Variants in CACNG6 observed in about 807,000 individuals in gnomAD.
The protein encoded by CACNG6 is calcium voltage-gated channel auxiliary subunit gamma 6, also known as voltage-dependent calcium channel gamma-6 subunit.
Under a neutral mutation model 23.9 loss-of-function variants are expected in CACNG6, and 21 were observed. That is an observed-to-expected ratio of 0.88 (90% CI 0.62 to 1.26). The LOEUF (loss-of-function observed/expected upper bound fraction) is 1.26. Ranked by LOEUF, CACNG6 falls within the 50% of genes most tolerant of loss-of-function variation. The pLI is 0.00. For synonymous variants in CACNG6, 182 were observed against 168.9 expected (o/e 1.08, Z -0.60); for missense variants, 340 against 352.9 (o/e 0.96, Z 0.29).
chr19:53,996,528 G>A (rs1456184904), intron 1 of CACNG6, among the ~76,000 whole-genome samples: 1 of 151,988 alleles, frequency 6.6e-6, no homozygotes, highest in Non-Finnish European at 1.5e-5. Context: ...GAGTAGCTGG[G>A]ATTACAGGCA....
At chr19:53,996,496 G>T (rs1315097485) in intron 1 of CACNG6, among the ~76,000 whole-genome samples, 1 of 151,556 alleles carries the variant, frequency 6.6e-6, no homozygotes, top group Non-Finnish European at 1.5e-5. Flanking sequence ...GGGTTCAAGC[G>T]ACTCTCCTGC....
At chr19:54,009,266 C>A (rs1313075589) in intron 3 of CACNG6, among the ~76,000 whole-genome samples, 1 of 151,970 alleles carries the variant, frequency 6.6e-6, no homozygotes, top group Non-Finnish European at 1.5e-5. Context: ...ACTAAAAACA[C>A]AAAAATTAGC....
Position 53,992,881 on chromosome 19 carries a change from A to T in CACNG6, c.4A>T (p.Met2Leu), listed in dbSNP as rs2069476315. ...TCCCGACCCCACCGGCCATAAGATG[A>T]TGTGGTCCAACTTCTTCCTGCAAGA... MMWSNFFLQEEN... is the reference protein window; with the variant it reads MLWSNFFLQEEN... The change falls in exon 1 of 4, where the codon ATG (methionine) becomes TTG (leucine). Residue 2 changes from methionine to leucine, a missense_variant. Coordinates refer to ENST00000252729, the MANE Select transcript of CACNG6 (RefSeq NM_145814.2). This position sits in a 1 kb window ranked among gnomAD's most constrained non-coding sequence, Gnocchi z 4.1. 2 of 1,396,000 alleles carry T rather than the reference A, an allele frequency of 1.4e-6. No homozygotes were observed. Among genetic ancestry groups the T allele is most frequent in the African/African-American group, 3.0e-5 (2 of 66,614 alleles). 86.5% of individuals were successfully genotyped at this position (1,396,000 alleles called of 1,614,324 possible). A position where few individuals can be genotyped will look rare whatever the true frequency, so the allele number is the denominator to read the frequency against.
chr19:53,997,921 TCAA>T (rs2145955988), intron 1 of CACNG6, among the ~76,000 whole-genome samples: 1 of 152,244 alleles, frequency 6.6e-6, no homozygotes, highest in East Asian at 1.9e-4. Context: ...CACTTGACCC[TCAA>T]CAAACCCATA....
intron 3 of CACNG6, among the ~76,000 whole-genome samples, chr19:54,008,213 C>T (rs958551537): frequency 1.1e-4 from 16 of 151,884 alleles, no homozygotes; most frequent in African/African-American, 2.7e-4. Flanking sequence ...ATGAGCCAGG[C>T]GTGGTGGCAA....
In CACNG6 at chr19:54,012,248, C is replaced by T. The variant is rs1288223380; in HGVS notation, c.*59C>T. Reference sequence around the variant, plus strand: ...AGCCCTTTGACCTTCTCCATTGTACCCCCAAGATCTTTTTGCCCCATCTCC... The same window carrying T: ...AGCCCTTTGACCTTCTCCATTGTACTCCCAAGATCTTTTTGCCCCATCTCC... On this transcript the variant is annotated 3_prime_UTR_variant, in exon 4 of 4. Transcript: ENST00000252729. The T allele has an allele frequency of 4.0e-6, 3 of 752,424 alleles. No homozygotes were observed. Among genetic ancestry groups the T allele is most frequent in the Non-Finnish European group, 5.9e-6 (3 of 505,560 alleles). 46.6% of individuals were successfully genotyped at this position (752,424 alleles called of 1,614,324 possible). A position where few individuals can be genotyped will look rare whatever the true frequency, so the allele number is the denominator to read the frequency against.
At chr19:53,991,574 AGGGTGGAGGGTGGAG>A (rs2069458845), upstream of CACNG6, among the ~76,000 whole-genome samples, 1 of 2,730 alleles carries the variant, frequency 3.7e-4, no homozygotes. Context: ...AATAGCCCCG[AGGGTGGAGGGTGGAG>A]GGTGGGGGGT....
At position 54,011,953 on chromosome 19, in the gene CACNG6, C is replaced by A; in HGVS notation, c.547C>A (p.Leu183Met). The change falls in exon 4 of 4, where the codon CTG (leucine) becomes ATG (methionine). Residue 183 changes from leucine to methionine, a missense_variant and splice_region_variant. Leu to Met is a conservative substitution (Grantham distance 15, BLOSUM62 2). Coordinates refer to ENST00000252729, the MANE Select transcript of CACNG6 (RefSeq NM_145814.2). ...GCGAGCTGTCCTCTCTCCCGCAGGC[C>A]TGCTGCTCTTGGTGAGCCTGGAGGT... Reference protein sequence around the residue: ...VGAVCFGLSGLLLLVSLEVFR... With the variant: ...VGAVCFGLSGMLLLVSLEVFR... 6.6e-7 allele frequency: 1 copy of A among 1,516,724 alleles called. No homozygotes were observed. Among genetic ancestry groups the A allele is most frequent in the Non-Finnish European group, 8.8e-7 (1 of 1,132,946 alleles). The allele number at this position is 1,516,724 out of a possible 1,614,324, so 94.0% of individuals were successfully genotyped here.
In CACNG6 at chr19:53,993,105, C is replaced by T. The variant is rs1459324474; in HGVS notation, c.228C>T (p.Cys76=). The T allele has an allele frequency of 3.9e-6, 6 of 1,546,548 alleles. No individual in the cohort carries two copies. The highest frequency in any genetic ancestry group is 4.4e-6 in the Non-Finnish European group (5 of 1,145,226). The change falls in exon 1 of 4, where the codon TGC becomes TGT. Residue 76 remains cysteine (C), a synonymous_variant. Coordinates refer to ENST00000252729, the MANE Select transcript of CACNG6 (RefSeq NM_145814.2). ...ACAAGGCCAACGGCAGCGCCGTGTG[C>T]GAAGCGGCCCACCTGGGGCTGTGGA... The part of the protein sequence containing the change: ...NTYKANGSAV[C]EAAHLGLWKA...
At chr19:54,000,958 A>C (rs2069569102) in intron 3 of CACNG6, among the ~76,000 whole-genome samples, 1 of 152,006 alleles carries the variant, frequency 6.6e-6, no homozygotes, top group African/African-American at 2.4e-5. Flanking sequence ...CAATGATGGC[A>C]TGATGGCAGA....
chr19:54,003,643 G>A (rs997864302), intron 3 of CACNG6, among the ~76,000 whole-genome samples: 6 of 152,128 alleles, frequency 3.9e-5, no homozygotes, highest in African/African-American at 1.4e-4. Context: ...TTACAGGCAT[G>A]AGCCACCCTG....
chr19:53,995,869 C>T (rs1261986200), intron 1 of CACNG6, among the ~76,000 whole-genome samples: 3 of 152,186 alleles, frequency 2.0e-5, no homozygotes, highest in Non-Finnish European at 2.9e-5. Context: ...ACCATGTTGA[C>T]GAGGCTGGTC....
Position 54,001,484 on chromosome 19 carries a change from C to T in CACNG6, c.544+1713C>T, listed in dbSNP as rs1161244071. On this transcript the variant is annotated intron_variant, in intron 3 of 3. Transcript: ENST00000252729. Reference sequence around the variant, plus strand: ...GATTACAGGCGTGAGCCACCGCGCCCGGCCAAGACTTTCATAAAACACTTT... The same window carrying T: ...GATTACAGGCGTGAGCCACCGCGCCTGGCCAAGACTTTCATAAAACACTTT... 3.9e-5 allele frequency among the ~76,000 whole-genome samples: 6 copies of T among 152,250 alleles called. No individual in the cohort carries two copies. In the East Asian group the frequency reaches 5.8e-4, roughly 15 times the overall value.
chr19:54,001,603 A>G (rs1047038810), intron 3 of CACNG6, among the ~76,000 whole-genome samples: 2 of 152,340 alleles, frequency 1.3e-5, no homozygotes, highest in Admixed American at 6.5e-5. Flanking sequence ...TACAAATTCC[A>G]TGAAAACAGA....
intron 1 of CACNG6, among the ~76,000 whole-genome samples, chr19:53,995,914 G>A (rs892099045): frequency 2.0e-5 from 3 of 152,102 alleles, no homozygotes; most frequent in Non-Finnish European, 4.4e-5. Context: ...TGCCCGCCTC[G>A]GCCTCCCAAA....
In CACNG6 at chr19:54,000,453, G is replaced by C. The variant is rs560261665; in HGVS notation, c.544+682G>C. Among the ~76,000 whole-genome samples, 5 of 152,294 alleles carry C rather than the reference G, an allele frequency of 3.3e-5. No individual in the cohort carries two copies. The South Asian group carries it at 1.0e-3, about 32-fold the overall frequency. On this transcript the variant is annotated intron_variant, in intron 3 of 3. Transcript: ENST00000252729. ...GACTGTTGCATTCTTGGAGCTGAAG[G>C]TCTAAATAAAATGCTGCATCTTGTG...
intron 3 of CACNG6, among the ~76,000 whole-genome samples, chr19:54,011,205 A>AAAAATATATATATATATATAT (rs58054808): frequency 4.9e-5 from 5 of 102,508 alleles, no homozygotes; most frequent in Admixed American, 1.2e-4. Context: ...AAAAAAAAAA[A>AAAAATATATATATATATATAT]ATATATATAT....
chr19:54,000,142 A>G (rs1047830854), intron 3 of CACNG6, among the ~76,000 whole-genome samples: 2 of 152,216 alleles, frequency 1.3e-5, no homozygotes, highest in African/African-American at 4.8e-5. Context: ...CATGCTAGGC[A>G]TTAGAGAAAG....
intron 3 of CACNG6, among the ~76,000 whole-genome samples, chr19:54,005,232 A>AATAAATAC (rs2069628702): frequency 1.7e-5 from 2 of 120,030 alleles, no homozygotes; most frequent in Non-Finnish European, 3.5e-5. Flanking sequence ...TAAATAAATA[A>AATAAATAC]ATAAATAAAT....
Sources: allele counts gnomAD v4.1 joint callset (sites outside exome capture counted in the v4.1 genomes callset), GRCh38; gene constraint gnomAD v4.1.1; non-coding constraint Gnocchi (gnomAD v3.1); transcripts MANE v1.5; gene names NCBI Gene and HGNC (gene_info 2026-07-23, HGNC 2026-07-21).